Variants in CYP7B1 observed in about 807,000 individuals in gnomAD.
CYP7B1 encodes cytochrome P450 7B1.
In CYP7B1, 29 loss-of-function variants were observed where a neutral mutation model predicts 42.7. The observed-to-expected ratio is 0.68, with a 90% CI of 0.51 to 0.93. The LOEUF is 0.93. Among genes scored for constraint, CYP7B1 ranks in the 40% least tolerant of loss-of-function variants. CYP7B1 has a pLI of 0.00. For missense variants in CYP7B1, 655 were observed against 600.5 expected (o/e 1.09, Z -0.95); for synonymous variants, 235 against 218.2 (o/e 1.08, Z -0.68).
intron 1 of CYP7B1, among the ~76,000 whole-genome samples, chr8:64,718,343 T>C (rs1024372919): frequency 3.3e-5 from 5 of 151,430 alleles, no homozygotes; most frequent in African/African-American, 9.7e-5. Context: ...TCTGTAAGAG[T>C]TGGCTTTTTG....
At chr8:64,692,727 G>A (rs1278592601) in intron 1 of CYP7B1, among the ~76,000 whole-genome samples, 1 of 152,128 alleles carries the variant, frequency 6.6e-6, no homozygotes, top group African/African-American at 2.4e-5. Flanking sequence ...TATGAGAGCA[G>A]ATACTCAGAT....
At chr8:64,675,738 G>A (rs896955338) in intron 1 of CYP7B1, among the ~76,000 whole-genome samples, 1 of 152,086 alleles carries the variant, frequency 6.6e-6, no homozygotes, top group Non-Finnish European at 1.5e-5. Context: ...AGAACTGGGA[G>A]CGTGGTTGTT....
chr8:64,631,867 T>C (rs1199639437), intron 1 of CYP7B1, among the ~76,000 whole-genome samples: 2 of 149,692 alleles, frequency 1.3e-5, no homozygotes, highest in African/African-American at 4.9e-5. Context: ...CACAATGAGA[T>C]AGCACCTCAT....
At chr8:64,764,396 G>C (rs55873211) in intron 1 of CYP7B1, among the ~76,000 whole-genome samples, 40,841 of 151,952 alleles carry the variant, frequency 0.27, 6,772 homozygotes, top group African/African-American at 0.47. Flanking sequence ...GGCACAGAGA[G>C]AGAAAGAAGG....
chr8:64,682,320 T>C (rs773251293), intron 1 of CYP7B1, among the ~76,000 whole-genome samples: 50 of 152,226 alleles, frequency 3.3e-4, no homozygotes, highest in Non-Finnish European at 2.9e-4. Context: ...AACACAAGGC[T>C]GAGCAGCTAA....
At chr8:64,602,266 T>C (rs1346901729) in intron 5 of CYP7B1, among the ~76,000 whole-genome samples, 1 of 152,148 alleles carries the variant, frequency 6.6e-6, no homozygotes, top group East Asian at 1.9e-4. Context: ...CTCTGAGGAA[T>C]GAGGTGGAAA....
At chr8:64,754,327 T>C (rs1308569764) in intron 1 of CYP7B1, among the ~76,000 whole-genome samples, 1 of 152,190 alleles carries the variant, frequency 6.6e-6, no homozygotes, top group Admixed American at 6.5e-5. Flanking sequence ...TATTGAAATA[T>C]TTGAGGCCAA....
intron 1 of CYP7B1, among the ~76,000 whole-genome samples, chr8:64,692,350 G>C (rs1369110229): frequency 6.6e-6 from 1 of 152,186 alleles, no homozygotes; most frequent in Non-Finnish European, 1.5e-5. Context: ...TGAGAGGGTG[G>C]TTAATCTGTA....
At chr8:64,598,685 C>T (rs1297964608) in intron 5 of CYP7B1, among the ~76,000 whole-genome samples, 1 of 152,150 alleles carries the variant, frequency 6.6e-6, no homozygotes, top group Non-Finnish European at 1.5e-5. Context: ...ACGGCAAACA[C>T]GTGATGCAGG....
At chr8:64,590,378 T>C (rs1290602842), downstream of CYP7B1, among the ~76,000 whole-genome samples, 1 of 152,246 alleles carries the variant, frequency 6.6e-6, no homozygotes, top group Non-Finnish European at 1.5e-5. Flanking sequence ...ATATGCTTTA[T>C]TTACAATTTA....
At chr8:64,610,408 A>G (rs900171687) in intron 4 of CYP7B1, among the ~76,000 whole-genome samples, 1 of 152,194 alleles carries the variant, frequency 6.6e-6, no homozygotes, top group African/African-American at 2.4e-5. Flanking sequence ...AATCCTCATT[A>G]GAAGAGAGGA....
intron 2 of CYP7B1, among the ~76,000 whole-genome samples, chr8:64,619,152 G>A (rs558207573): frequency 6.6e-6 from 1 of 152,280 alleles, no homozygotes; most frequent in East Asian, 1.9e-4. Flanking sequence ...CTGCTAATGT[G>A]AGATGCAAAA....
intron 1 of CYP7B1, among the ~76,000 whole-genome samples, chr8:64,673,167 T>C (rs992859087): frequency 6.6e-6 from 1 of 152,106 alleles, no homozygotes; most frequent in Non-Finnish European, 1.5e-5. Flanking sequence ...ATGGGGGATG[T>C]GTCCTGTTGT....
At chr8:64,627,049 T>C (rs986018300) in intron 1 of CYP7B1, among the ~76,000 whole-genome samples, 1 of 152,322 alleles carries the variant, frequency 6.6e-6, no homozygotes, top group Middle Eastern at 3.4e-3. Flanking sequence ...CAAGTTATGA[T>C]AGAAATAAAG....
At chr8:64,760,450 A>G (rs1807872044) in intron 1 of CYP7B1, among the ~76,000 whole-genome samples, 1 of 152,148 alleles carries the variant, frequency 6.6e-6, no homozygotes, top group Non-Finnish European at 1.5e-5. Context: ...TTTGCAAAAC[A>G]TATTTGATAA....
At chr8:64,782,212 A>G (rs1170416590) in intron 1 of CYP7B1, among the ~76,000 whole-genome samples, 1 of 150,892 alleles carries the variant, frequency 6.6e-6, no homozygotes, top group Non-Finnish European at 1.5e-5. Flanking sequence ...CACATACACA[A>G]ATTGCCAGCT....
intron 1 of CYP7B1, among the ~76,000 whole-genome samples, chr8:64,667,779 G>T (rs1031834333): frequency 2.0e-5 from 3 of 152,058 alleles, no homozygotes; most frequent in Middle Eastern, 3.2e-3. Context: ...AGAAACAAAG[G>T]TCTAGTCTTC....
intron 1 of CYP7B1, among the ~76,000 whole-genome samples, chr8:64,717,070 T>G (rs1807166592): frequency 6.6e-6 from 1 of 152,238 alleles, no homozygotes; most frequent in African/African-American, 2.4e-5. Context: ...ATAAAATGTC[T>G]CTTTAGTGCT....
At chr8:64,701,251 C>T (rs556011184) in intron 1 of CYP7B1, among the ~76,000 whole-genome samples, 5 of 152,114 alleles carry the variant, frequency 3.3e-5, no homozygotes, top group South Asian at 4.2e-4. Context: ...CCAGTGAACC[C>T]AGTTCTCATC....
Sources: allele counts gnomAD v4.1 joint callset (sites outside exome capture counted in the v4.1 genomes callset), GRCh38; gene constraint gnomAD v4.1.1; transcripts MANE v1.5; gene names NCBI Gene and HGNC (gene_info 2026-07-23, HGNC 2026-07-21).